The following ESR1 variants were observed in gnomAD, a reference collection of about 807,000 sequenced individuals.
ESR1 encodes estrogen receptor 1, also known as estrogen receptor.
A neutral mutation model predicts 52.7 loss-of-function variants in ESR1; 12 were observed. That is an observed-to-expected ratio of 0.23 (90% CI 0.15 to 0.37). The LOEUF is 0.37. Ranked by LOEUF, ESR1 falls within the 10% of genes least tolerant of loss-of-function variation. ESR1 has a pLI of 1.00. For synonymous variants in ESR1, 305 were observed against 316.8 expected (o/e 0.96, Z 0.39); for missense variants, 584 against 779.7 (o/e 0.75, Z 2.99).
chr6:151,691,164 C>T (rs1325336178), intron 1 of ESR1, among the ~76,000 whole-genome samples: 4 of 152,182 alleles, frequency 2.6e-5, no homozygotes, highest in African/African-American at 7.2e-5. Flanking sequence ...TAAAGGCAGT[C>T]AAGTTTTCTG....
chr6:152,002,741 T>C (rs1040752561), intron 4 of ESR1, among the ~76,000 whole-genome samples: 1 of 152,056 alleles, frequency 6.6e-6, no homozygotes, highest in African/African-American at 2.4e-5. Flanking sequence ...AATTGATTTC[T>C]TTCTGAGCGT....
chr6:152,023,374 A>G (rs2043849062), intron 5 of ESR1, among the ~76,000 whole-genome samples: 1 of 152,174 alleles, frequency 6.6e-6, no homozygotes, highest in South Asian at 2.1e-4. Flanking sequence ...CCATAATCCA[A>G]ATTCAGTAGT....
At position 152,124,296 on chromosome 6, in the gene ESR1, G is replaced by A. The variant is rs182328151; in HGVS notation, c.851-970G>A. ...TGCACTCCATCCTGGGCAACAGAGC[G>A]AGACTCTATCTCAAAAACAGATATT... On this transcript the variant is annotated intron_variant, in intron 6 of 6. Transcript: ENST00000427531. Among the ~76,000 whole-genome samples, 39 of 146,678 alleles carry A rather than the reference G, an allele frequency of 2.7e-4. No homozygotes were observed. In the East Asian group the frequency reaches 5.9e-3, roughly 22 times the overall value.
At chr6:151,878,647 C>A (rs1035318599) in intron 2 of ESR1, among the ~76,000 whole-genome samples, 1 of 152,136 alleles carries the variant, frequency 6.6e-6, no homozygotes, top group Non-Finnish European at 1.5e-5. Flanking sequence ...AAAATAGAGA[C>A]TTAAGCAGAG....
At chr6:151,805,377 C>T (rs561635370), upstream of ESR1, 6 of 152,304 alleles carry the variant, frequency 3.9e-5, no homozygotes, top group East Asian at 1.9e-4. Flanking sequence ...CTATTTTAGC[C>T]GTAAGACTAT....
chr6:152,061,220 A>C lies in ESR1; in HGVS notation c.1369+96A>C. 1 of 1,209,652 alleles carries C rather than the reference A, an allele frequency of 8.3e-7. No homozygotes were observed. Among genetic ancestry groups the C allele is most frequent in the African/African-American group, 1.5e-5 (1 of 67,026 alleles). The allele number at this position is 1,209,652 out of a possible 1,614,324, so 74.9% of individuals were successfully genotyped here. On this transcript the variant is annotated intron_variant, in intron 6 of 7. Coordinates refer to ENST00000206249, the MANE Select transcript of ESR1 (RefSeq NM_000125.4). The surrounding 1 kb of genome is among the most constrained non-coding windows in gnomAD (Gnocchi z 4.3). Reference sequence around the variant, plus strand: ...CTACCCACTCCAAAGGCATAATGTCATAAATAGAAAGAAACTACTGACACA... The same window carrying C: ...CTACCCACTCCAAAGGCATAATGTCCTAAATAGAAAGAAACTACTGACACA...
intron 4 of ESR1, among the ~76,000 whole-genome samples, chr6:151,972,913 C>T (rs2039057086): frequency 6.6e-6 from 1 of 152,130 alleles, no homozygotes; most frequent in Non-Finnish European, 1.5e-5. Flanking sequence ...GTCAGAAATT[C>T]GAGGGCAGGA....
intron 6 of ESR1, among the ~76,000 whole-genome samples, chr6:152,070,138 A>C (rs2048257068): frequency 7.3e-6 from 1 of 137,144 alleles, no homozygotes; most frequent in South Asian, 2.3e-4. Context: ...TGTATAAGAT[A>C]GTGCAAAAAC....
At chr6:151,907,518 A>G (rs58682031) in intron 3 of ESR1, among the ~76,000 whole-genome samples, 132 of 151,648 alleles carry the variant, frequency 8.7e-4, no homozygotes, top group African/African-American at 3.0e-3. Context: ...TTTTTTTTGA[A>G]GTTTTACAAA....
chr6:151,857,493 CCACA>C (rs925674664), intron 2 of ESR1, among the ~76,000 whole-genome samples: 29 of 145,936 alleles, frequency 2.0e-4, no homozygotes, highest in East Asian at 1.6e-3. Flanking sequence ...ACCCACCCAC[CCACA>C]CACACACACA....
At chr6:151,723,784 C>T (rs1401848770) in intron 2 of ESR1, among the ~76,000 whole-genome samples, 1 of 152,040 alleles carries the variant, frequency 6.6e-6, no homozygotes, top group Non-Finnish European at 1.5e-5. Context: ...GCAGGAGAAT[C>T]GCTTGAACCC....
chr6:151,697,925 C>G (rs139849501), intron 1 of ESR1, among the ~76,000 whole-genome samples: 1 of 151,940 alleles, frequency 6.6e-6, no homozygotes, highest in Non-Finnish European at 1.5e-5. Context: ...ATGGTGAAAC[C>G]CCTTCTTTAC....
chr6:151,913,287 T>C lies in ESR1; in HGVS notation c.761-30886T>C, dbSNP rs372512426. Among the ~76,000 whole-genome samples the C allele has an allele frequency of 3.3e-5, 5 of 152,244 alleles. No individual in the cohort carries two copies. In the East Asian group the frequency reaches 7.7e-4, roughly 24 times the overall value. ...TCACGTCACATGCCCTTCTGCTCTT[T>C]AGGACACTTGTATTGGGTTCCTCCC... On this transcript the variant is annotated intron_variant, in intron 3 of 7. Transcript: ENST00000206249.
At position 151,753,000 on chromosome 6, in the gene ESR1, A is replaced by G. The variant is rs188131055; in HGVS notation, c.-71+50995A>G. ...CACCAAATCATCAAATCTAATGTTG[A>G]ACATGTAGTAACTTTTATTTGCTGA... is the stretch of plus-strand genomic sequence containing the variant. On this transcript the variant is annotated intron_variant, in intron 2 of 2. Coordinates refer to the ESR1 transcript ENST00000404742. Among the ~76,000 whole-genome samples the G allele has an allele frequency of 3.9e-5, 6 of 152,352 alleles. No individual in the cohort carries two copies. The South Asian group carries it at 6.2e-4, about 16-fold the overall frequency.
At chr6:151,738,309 G>A (rs1485656980) in intron 2 of ESR1, among the ~76,000 whole-genome samples, 1 of 152,166 alleles carries the variant, frequency 6.6e-6, no homozygotes, top group African/African-American at 2.4e-5. Context: ...ATTGTGAATA[G>A]TGCTAGTATG....
intron 2 of ESR1, among the ~76,000 whole-genome samples, chr6:151,759,408 T>G (rs1784507320): frequency 6.6e-6 from 1 of 152,168 alleles, no homozygotes; most frequent in Non-Finnish European, 1.5e-5. Context: ...GAGATATACT[T>G]AATGCTAGAT....
In ESR1 at chr6:151,928,929, C is replaced by T. The variant is rs140057861; in HGVS notation, c.761-15244C>T. Reference sequence around the variant, plus strand: ...ATTTGGTGTGAGAGCCTACTTTGTACACTTTCTGTTCTTTTAAATTTGTTA... The same window carrying T: ...ATTTGGTGTGAGAGCCTACTTTGTATACTTTCTGTTCTTTTAAATTTGTTA... On this transcript the variant is annotated intron_variant, in intron 3 of 7. Coordinates refer to ENST00000206249, the MANE Select transcript of ESR1 (RefSeq NM_000125.4). 3.5e-4 allele frequency among the ~76,000 whole-genome samples: 53 copies of T among 152,190 alleles called. No individual in the cohort carries two copies. The East Asian group carries it at 9.7e-3, about 28-fold the overall frequency.
intron 5 of ESR1, among the ~76,000 whole-genome samples, chr6:152,037,014 A>G (rs2045365044): frequency 6.6e-6 from 1 of 152,232 alleles, no homozygotes. Context: ...TACTGTGTTT[A>G]CCAGTTGTTT....
chr6:151,750,253 A>G (rs902859967), intron 2 of ESR1, among the ~76,000 whole-genome samples: 1 of 152,118 alleles, frequency 6.6e-6, no homozygotes, highest in South Asian at 2.1e-4. Flanking sequence ...TTGTGAGTAT[A>G]TTTTTTCCTA....
Sources: allele counts gnomAD v4.1 joint callset (sites outside exome capture counted in the v4.1 genomes callset), GRCh38; gene constraint gnomAD v4.1.1; non-coding constraint Gnocchi (gnomAD v3.1); transcripts MANE v1.5; gene names NCBI Gene and HGNC (gene_info 2026-07-23, HGNC 2026-07-21).